The following DUSP16 variants were observed in gnomAD, a reference collection of about 807,000 sequenced individuals.
The protein encoded by DUSP16 is dual specificity phosphatase 16, also known as dual specificity protein phosphatase 16.
In DUSP16, 21 loss-of-function variants were observed where a neutral mutation model predicts 58.3. The ratio of observed to expected loss-of-function variants is 0.36; its 90% confidence interval spans 0.26 to 0.52. DUSP16 has a LOEUF of 0.52. DUSP16 is among the 20% of genes least tolerant of loss of function. DUSP16 has a pLI of 0.94. For synonymous variants in DUSP16, 320 were observed against 323.8 expected (o/e 0.99, Z 0.12); for missense variants, 726 against 819.0 (o/e 0.89, Z 1.39).
At position 12,562,780 on chromosome 12, in the gene DUSP16, C is replaced by G. The variant is rs913806700; in HGVS notation, c.-1029G>C. 6.6e-6 allele frequency among the ~76,000 whole-genome samples: 1 copy of G among 151,408 alleles called. No individual in the cohort carries two copies. The highest frequency in any genetic ancestry group is 1.5e-5 in the Non-Finnish European group (1 of 67,750). On this transcript the variant is annotated 5_prime_UTR_variant, in exon 1 of 7. Transcript: ENST00000298573. ...CGCGCTCGCCCATCCCGCGGCCGCCCGAGCCCGGAGCGCGGCTCCGCGCCT... is the reference window on the plus strand; with the variant it reads ...CGCGCTCGCCCATCCCGCGGCCGCCGGAGCCCGGAGCGCGGCTCCGCGCCT...
intron 5 of DUSP16, among the ~76,000 whole-genome samples, chr12:12,484,852 T>C (rs1943649053): frequency 6.6e-6 from 1 of 152,068 alleles, no homozygotes. Context: ...CCTCAGGTGA[T>C]CCCCCCATCT....
intron 1 of DUSP16, among the ~76,000 whole-genome samples, chr12:12,548,712 G>A (rs952170434): frequency 1.2e-4 from 18 of 150,124 alleles, no homozygotes; most frequent in Admixed American, 1.1e-3. Context: ...TTTTCTTGCT[G>A]TGTTCCTCCC....
At chr12:12,513,500 G>T (rs1358685263) in intron 3 of DUSP16, among the ~76,000 whole-genome samples, 2 of 152,178 alleles carry the variant, frequency 1.3e-5, no homozygotes, top group African/African-American at 4.8e-5. Flanking sequence ...ATTACTTGTG[G>T]ATGTGGGCCT....
chr12:12,477,463 G>A lies in DUSP16; in HGVS notation c.1368C>T (p.Pro456=), dbSNP rs1393089469. 6.9e-6 allele frequency: 11 copies of A among 1,599,624 alleles called. No homozygotes were observed. The highest frequency in any genetic ancestry group is 1.7e-5 in the Admixed American group (1 of 58,830). ...SPVQELSEQT[P]ETSPDKEEAS... is the part of the protein sequence containing the mutation. Reference sequence around the variant, plus strand: ...CTTCCTCCTTATCAGGACTGGTTTCGGGAGTCTGCTCCGATAGTTCCTGAA... The same window carrying A: ...CTTCCTCCTTATCAGGACTGGTTTCAGGAGTCTGCTCCGATAGTTCCTGAA... The change falls in exon 7 of 7, where the codon CCC becomes CCT. Residue 456 remains proline, a synonymous_variant. Coordinates refer to ENST00000298573, the MANE Select transcript of DUSP16 (RefSeq NM_030640.3). The surrounding 1 kb of genome is among the most constrained non-coding windows in gnomAD (Gnocchi z 4.1).
At chr12:12,478,236 C>G (rs1186873108) in intron 6 of DUSP16, among the ~76,000 whole-genome samples, 1 of 152,102 alleles carries the variant, frequency 6.6e-6, no homozygotes, top group Non-Finnish European at 1.5e-5. Context: ...GAAGAGGCAG[C>G]TGGGCCCCAA....
At chr12:12,507,704 G>A (rs186542694) in intron 3 of DUSP16, among the ~76,000 whole-genome samples, 1 of 152,284 alleles carries the variant, frequency 6.6e-6, no homozygotes, top group Non-Finnish European at 1.5e-5. Context: ...CCACCTCCCG[G>A]GTTCAAGCAA....
chr12:12,535,165 G>A (rs553551546), intron 1 of DUSP16, among the ~76,000 whole-genome samples: 8 of 152,262 alleles, frequency 5.3e-5, no homozygotes, highest in South Asian at 2.1e-4. Context: ...GTGCTCAGCC[G>A]CTCAGCCCTG....
Position 12,521,162 on chromosome 12 carries a change from G to A in DUSP16, c.-64C>T, listed in dbSNP as rs1944231234. The A allele has an allele frequency of 3.6e-5, 56 of 1,570,982 alleles. No individual in the cohort carries two copies. Among genetic ancestry groups the A allele is most frequent in the Non-Finnish European group, 4.8e-5 (56 of 1,158,674 alleles). On this transcript the variant is annotated 5_prime_UTR_variant, in exon 2 of 7. Coordinates refer to ENST00000298573, the MANE Select transcript of DUSP16 (RefSeq NM_030640.3). Reference sequence around the variant, plus strand: ...TTTGCCACGATGATGTAATGGTGGTGTGCTCAAAGGCTCAGCCACTCCATT... The same window carrying A: ...TTTGCCACGATGATGTAATGGTGGTATGCTCAAAGGCTCAGCCACTCCATT...
At chr12:12,541,557 T>G (rs1003075643) in intron 1 of DUSP16, among the ~76,000 whole-genome samples, 1 of 152,220 alleles carries the variant, frequency 6.6e-6, no homozygotes, top group African/African-American at 2.4e-5. Context: ...CAATCTATGA[T>G]AGTTGTAGTT....
rs201360087 is a variant in DUSP16 at position 12,557,151 on chromosome 12, TA to T, written c.-366+4965del. On this transcript the variant is annotated intron_variant, in intron 1 of 6. Transcript: ENST00000298573. Reference sequence around the variant, plus strand: ...AACTGTGGATACATTAACAAGGCATTAAAAAAAAAATTTAAAGTTTCTGGCC... The same window carrying T: ...AACTGTGGATACATTAACAAGGCATTAAAAAAAAATTTAAAGTTTCTGGCC... Among the ~76,000 whole-genome samples, 150 of 149,552 alleles carry T rather than the reference TA, an allele frequency of 1.0e-3. 1 individual carries two copies. The highest frequency in any genetic ancestry group is 8.5e-3 in the Admixed American group (128 of 15,002).
intron 1 of DUSP16, among the ~76,000 whole-genome samples, chr12:12,539,513 C>G (rs916578592): frequency 6.6e-6 from 1 of 152,064 alleles, no homozygotes; most frequent in Non-Finnish European, 1.5e-5. Flanking sequence ...AGATAGAGTT[C>G]AGTGTTCACC....
intron 5 of DUSP16, chr12:12,485,492 T>C (rs955701916): frequency 7.2e-5 from 11 of 152,302 alleles, no homozygotes; most frequent in African/African-American, 2.6e-4. Flanking sequence ...AAAATTATAA[T>C]ATGGGGCTTA....
intron 4 of DUSP16, among the ~76,000 whole-genome samples, chr12:12,500,059 T>C (rs1366614154): frequency 6.6e-6 from 1 of 152,048 alleles, no homozygotes; most frequent in Non-Finnish European, 1.5e-5. Flanking sequence ...CTCACCATCT[T>C]TTTAACACCT....
intron 1 of DUSP16, among the ~76,000 whole-genome samples, chr12:12,525,779 T>C (rs1944297981): frequency 6.8e-6 from 1 of 148,030 alleles, no homozygotes; most frequent in South Asian, 2.1e-4. Flanking sequence ...CCCCCTAGAA[T>C]TACATACTAG....
At chr12:12,533,796 G>A (rs191556707) in intron 1 of DUSP16, among the ~76,000 whole-genome samples, 15 of 152,278 alleles carry the variant, frequency 9.9e-5, no homozygotes, top group African/African-American at 2.9e-4. Context: ...CTAAAATGGC[G>A]TATACAGTGT....
intron 5 of DUSP16, among the ~76,000 whole-genome samples, chr12:12,486,006 G>A (rs892632570): frequency 6.6e-6 from 1 of 151,392 alleles, no homozygotes; most frequent in Non-Finnish European, 1.5e-5. Context: ...TGTTAGCCAG[G>A]ATGGTCTCAA....
intron 5 of DUSP16, among the ~76,000 whole-genome samples, chr12:12,483,078 A>G (rs1181794097): frequency 3.9e-5 from 6 of 152,202 alleles, no homozygotes. Flanking sequence ...CGAGAAGGCA[A>G]TGATGATGAA....
intron 1 of DUSP16, among the ~76,000 whole-genome samples, chr12:12,526,227 G>T (rs1314986937): frequency 2.0e-5 from 3 of 152,058 alleles, no homozygotes; most frequent in African/African-American, 4.8e-5. Flanking sequence ...TTCAGCAAAT[G>T]ATTTATGTTT....
chr12:12,530,516 T>A (rs1349640753), intron 1 of DUSP16, among the ~76,000 whole-genome samples: 1 of 152,216 alleles, frequency 6.6e-6, no homozygotes, highest in Non-Finnish European at 1.5e-5. Flanking sequence ...CTTGACATAA[T>A]CCCATTTGTC....
Sources: gnomAD v4.1 joint callset for allele counts (sites outside exome capture counted in the v4.1 genomes callset) on GRCh38, gnomAD v4.1.1 for gene constraint, Gnocchi (gnomAD v3.1) non-coding constraint, MANE v1.5 for transcripts, NCBI Gene and HGNC (gene_info 2026-07-23, HGNC 2026-07-21) for gene names.